Variants in KCNAB1 observed in about 807,000 individuals in gnomAD.
KCNAB1 encodes potassium voltage-gated channel subfamily A regulatory beta subunit 1.
In KCNAB1, 35 loss-of-function variants were observed where a neutral mutation model predicts 64.6. The ratio of observed to expected loss-of-function variants is 0.54; its 90% CI spans 0.41 to 0.72. The LOEUF (loss-of-function observed/expected upper bound fraction) is 0.72, where lower values mean the gene tolerates loss of function less well. KCNAB1 is among the 30% of genes least tolerant of loss of function. KCNAB1 has a pLI of 0.00. For synonymous variants in KCNAB1, 177 were observed against 183.8 expected, an observed-to-expected ratio of 0.96 and a Z score of 0.30; for missense variants, 401 against 512.9, an observed-to-expected ratio of 0.78 and a Z score of 2.11.
At chr3:156,524,574 C>T (rs928381987) in intron 12 of KCNAB1, among the ~76,000 whole-genome samples, 5 of 151,780 alleles carry the variant, frequency 3.3e-5, no homozygotes, top group Admixed American at 6.6e-5. Context: ...AGTGAAACCC[C>T]GTCTCTACTA....
At chr3:156,386,765 A>C (rs1712625801) in intron 1 of KCNAB1, among the ~76,000 whole-genome samples, 1 of 152,130 alleles carries the variant, frequency 6.6e-6, no homozygotes, top group Non-Finnish European at 1.5e-5. Flanking sequence ...AAATCTACCA[A>C]TTTCTTTACC....
rs533344144 is a variant in KCNAB1, at chr3:156,159,452, T to A, written c.275+38566T>A. Among the ~76,000 whole-genome samples the A allele has an allele frequency of 2.6e-5, 4 of 152,338 alleles. No homozygotes were observed. The South Asian group carries it at 6.2e-4, about 24-fold the overall frequency. Reference sequence around the variant, plus strand: ...TAATGCATTTTTAATAAGGAACACATTAAAAACTCATAAAGTATTTTATTT... The same window carrying A: ...TAATGCATTTTTAATAAGGAACACAATAAAAACTCATAAAGTATTTTATTT... On this transcript the variant is annotated intron_variant, in intron 1 of 13. Transcript: ENST00000490337.
intron 2 of KCNAB1, among the ~76,000 whole-genome samples, chr3:156,425,601 G>A (rs545761025): frequency 6.6e-6 from 1 of 152,298 alleles, no homozygotes; most frequent in East Asian, 1.9e-4. Context: ...CTGATAGGAG[G>A]TGGAACTGCC....
chr3:156,337,688 T>A (rs931008965), intron 1 of KCNAB1, among the ~76,000 whole-genome samples: 2 of 152,184 alleles, frequency 1.3e-5, no homozygotes, highest in Non-Finnish European at 2.9e-5. Flanking sequence ...GTTAGACAAA[T>A]CTGGGTTCAC....
At chr3:156,371,893 T>C (rs1726328777) in intron 1 of KCNAB1, among the ~76,000 whole-genome samples, 1 of 152,200 alleles carries the variant, frequency 6.6e-6, no homozygotes, top group Admixed American at 6.5e-5. Flanking sequence ...TATGAATCCA[T>C]AAATCTTTGC....
At chr3:156,213,719 C>A (rs1158571642) in intron 1 of KCNAB1, among the ~76,000 whole-genome samples, 1 of 152,184 alleles carries the variant, frequency 6.6e-6, no homozygotes, top group Non-Finnish European at 1.5e-5. Flanking sequence ...TAAGCAGTAT[C>A]CCTTATCTGT....
chr3:156,216,360 G>A (rs1715318180), intron 1 of KCNAB1, among the ~76,000 whole-genome samples: 1 of 152,210 alleles, frequency 6.6e-6, no homozygotes, highest in East Asian at 1.9e-4. Context: ...GCTGCTGAAA[G>A]CTGGCATGAA....
intron 1 of KCNAB1, among the ~76,000 whole-genome samples, chr3:156,246,726 T>G (rs1717480760): frequency 1.3e-5 from 2 of 152,078 alleles, no homozygotes; most frequent in Admixed American, 6.5e-5. Context: ...AAAGGGATAC[T>G]ATTTTTTCCT....
chr3:156,502,575 A>T (rs1321263942), intron 8 of KCNAB1, among the ~76,000 whole-genome samples: 2 of 143,356 alleles, frequency 1.4e-5, no homozygotes, highest in East Asian at 4.0e-4. Flanking sequence ...CACACACACA[A>T]ATTCAAGATG....
At chr3:156,498,481 C>T (rs1035494410) in intron 8 of KCNAB1, among the ~76,000 whole-genome samples, 3 of 152,154 alleles carry the variant, frequency 2.0e-5, no homozygotes, top group African/African-American at 4.8e-5. Flanking sequence ...CCCTGCACAA[C>T]CTCTCTTTTC....
At chr3:156,498,112 A>G (rs1280093803) in intron 8 of KCNAB1, among the ~76,000 whole-genome samples, 3 of 152,214 alleles carry the variant, frequency 2.0e-5, no homozygotes, top group African/African-American at 7.2e-5. Context: ...GGGTGAAAGA[A>G]TGGTGAAATT....
chr3:156,492,709 C>T (rs777070174), intron 8 of KCNAB1, among the ~76,000 whole-genome samples: 7 of 151,878 alleles, frequency 4.6e-5, no homozygotes, highest in Non-Finnish European at 8.8e-5. Flanking sequence ...TGAACTTAAC[C>T]CAAAGTTGAG....
chr3:156,473,160 C>T (rs1447647759), intron 7 of KCNAB1, among the ~76,000 whole-genome samples: 2 of 152,138 alleles, frequency 1.3e-5, no homozygotes, highest in Middle Eastern at 3.2e-3. Context: ...TTTCCAGATG[C>T]GAACACCATG....
intron 1 of KCNAB1, among the ~76,000 whole-genome samples, chr3:156,213,877 TG>T (rs1715159765): frequency 6.6e-6 from 1 of 152,122 alleles, no homozygotes; most frequent in East Asian, 1.9e-4. Context: ...AGCTTCAGGA[TG>T]GGAAGGCTAA....
At chr3:156,328,361 G>A (rs9823449) in intron 1 of KCNAB1, among the ~76,000 whole-genome samples, 17,115 of 152,010 alleles carry the variant, frequency 0.11, 3,082 homozygotes, top group African/African-American at 0.38. Context: ...AGAACGTGTC[G>A]TTTCTGGGAA....
chr3:156,189,809 G>A (rs1171753886), intron 1 of KCNAB1, among the ~76,000 whole-genome samples: 1 of 152,106 alleles, frequency 6.6e-6, no homozygotes, highest in East Asian at 1.9e-4. Flanking sequence ...AGCCTCAGTG[G>A]GCAGAGCAAA....
At chr3:156,443,994 A>C (rs572332534) in intron 2 of KCNAB1, among the ~76,000 whole-genome samples, 2 of 152,202 alleles carry the variant, frequency 1.3e-5, no homozygotes, top group South Asian at 2.1e-4. Context: ...AATGAAAGTA[A>C]AAAAGAAAAG....
chr3:156,363,050 C>T (rs1209131297), intron 1 of KCNAB1, among the ~76,000 whole-genome samples: 1 of 152,214 alleles, frequency 6.6e-6, no homozygotes, highest in Non-Finnish European at 1.5e-5. Context: ...GTGATTGGCA[C>T]TCCAGTGTGA....
chr3:156,440,452 C>G (rs1380754685), intron 2 of KCNAB1, among the ~76,000 whole-genome samples: 1 of 152,184 alleles, frequency 6.6e-6, no homozygotes, highest in Non-Finnish European at 1.5e-5. Context: ...CTTTGCTTCT[C>G]CTGAACCATA....
Sources: allele counts gnomAD v4.1 joint callset (sites outside exome capture counted in the v4.1 genomes callset), GRCh38; gene constraint gnomAD v4.1.1; transcripts MANE v1.5; gene names NCBI Gene and HGNC (gene_info 2026-07-23, HGNC 2026-07-21).